PRIM2: variants seen among roughly 807,000 people sequenced by gnomAD.
PRIM2 encodes DNA primase large subunit.
A neutral mutation model predicts 67.3 loss-of-function variants in PRIM2; 39 were observed. That is an observed-to-expected ratio of 0.58 (90% confidence interval 0.45 to 0.76). The LOEUF (loss-of-function observed/expected upper bound fraction) is 0.76, where lower values mean the gene tolerates loss of function less well. PRIM2 is among the 30% of genes least tolerant of loss of function. The pLI is 0.00. For synonymous variants in PRIM2, 143 were observed against 198.7 expected (o/e 0.72, Z 2.36); for missense variants, 398 against 598.7 (o/e 0.66, Z 3.50).
chr6:57,331,958 CT>C (rs947382838), intron 5 of PRIM2, among the ~76,000 whole-genome samples: 4 of 151,332 alleles, frequency 2.6e-5, no homozygotes, highest in African/African-American at 9.7e-5. Flanking sequence ...TTGGTTTGCT[CT>C]TTTCTTCTAG....
At chr6:57,531,878 ATTTAT>A (rs1474716193) in intron 8 of PRIM2, among the ~76,000 whole-genome samples, 1 of 152,158 alleles carries the variant, frequency 6.6e-6, no homozygotes, top group Admixed American at 6.5e-5. Flanking sequence ...TTCAGATATT[ATTTAT>A]TTTAATAAAC....
chr6:57,369,713 C>T (rs1769480259), intron 5 of PRIM2, among the ~76,000 whole-genome samples: 1 of 152,170 alleles, frequency 6.6e-6, no homozygotes, highest in African/African-American at 2.4e-5. Context: ...AAGCATACTA[C>T]ACCTTGATTA....
At chr6:57,416,220 T>G (rs576763011) in intron 7 of PRIM2, among the ~76,000 whole-genome samples, 1,552 of 152,342 alleles carry the variant, frequency 0.01, 29 homozygotes, top group African/African-American at 0.034. Flanking sequence ...TTAGCAGATA[T>G]GAAGACACTA....
intron 7 of PRIM2, among the ~76,000 whole-genome samples, chr6:57,411,083 G>T (rs1195505042): frequency 6.6e-6 from 1 of 151,872 alleles, no homozygotes; most frequent in Admixed American, 6.6e-5. Context: ...TCATGGTAAT[G>T]AGTTCTCCTG....
chr6:57,385,818 A>G (rs1268658417), intron 7 of PRIM2, among the ~76,000 whole-genome samples: 1 of 152,152 alleles, frequency 6.6e-6, no homozygotes, highest in Non-Finnish European at 1.5e-5. Context: ...AACAGAAGTT[A>G]TGCTATGTTC....
At chr6:57,337,246 C>T (rs1768287258) in intron 5 of PRIM2, among the ~76,000 whole-genome samples, 1 of 152,050 alleles carries the variant, frequency 6.6e-6, no homozygotes, top group Non-Finnish European at 1.5e-5. Flanking sequence ...CTTAGACTCC[C>T]ACACATTAAT....
At chr6:57,498,665 C>A (rs1554346569) in intron 7 of PRIM2, among the ~76,000 whole-genome samples, 4 of 152,038 alleles carry the variant, frequency 2.6e-5, no homozygotes, top group African/African-American at 9.7e-5. Context: ...CACCAGAGAA[C>A]AAAATTGAGC....
At chr6:57,537,901 T>C (rs1482296566) in intron 10 of PRIM2, among the ~76,000 whole-genome samples, 1 of 152,228 alleles carries the variant, frequency 6.6e-6, no homozygotes, top group Non-Finnish European at 1.5e-5. Flanking sequence ...GGAATGTATG[T>C]GTGTCTATAC....
In PRIM2 at chr6:57,528,774, T is replaced by C. The variant is rs1280331283; in HGVS notation, c.762-3637T>C. ...GGATGATGGCTCCTCTACAGGATCA[T>C]GCTGTTGTCTCTCTTACAATCCTGT... On this transcript the variant is annotated intron_variant, in intron 8 of 13. Coordinates refer to ENST00000615550, the MANE Select transcript of PRIM2 (RefSeq NM_000947.5). Among the ~76,000 whole-genome samples, 6 of 152,238 alleles carry C rather than the reference T, an allele frequency of 3.9e-5. No individual in the cohort carries two copies. In the East Asian group the frequency reaches 9.6e-4, roughly 24 times the overall value.
intron 7 of PRIM2, among the ~76,000 whole-genome samples, chr6:57,437,802 C>T (rs531853825): frequency 1.1e-3 from 173 of 151,622 alleles, no homozygotes; most frequent in Admixed American, 2.7e-3. Flanking sequence ...GTAGCTAGGA[C>T]GAAAGGCAGG....
chr6:57,402,913 A>G (rs1392204142), intron 7 of PRIM2, among the ~76,000 whole-genome samples: 2 of 152,114 alleles, frequency 1.3e-5, no homozygotes, highest in African/African-American at 4.8e-5. Flanking sequence ...CCAGTTTAGA[A>G]TCATTGTCAG....
At chr6:57,368,351 A>T (rs1769437726) in intron 5 of PRIM2, among the ~76,000 whole-genome samples, 1 of 152,188 alleles carries the variant, frequency 6.6e-6, no homozygotes, top group African/African-American at 2.4e-5. Flanking sequence ...CTGTAATTTT[A>T]AAAAGCTTCA....
At position 57,645,991 on chromosome 6, in the gene PRIM2, C is replaced by T; in HGVS notation, c.1363C>T (p.Leu455=). Residue 455 remains leucine, a synonymous_variant, in exon 14 of 14, where the codon CTA becomes TTA. Transcript: ENST00000615550. ...GTTCTTTTGTGAGAGCCAACGTATTCTAAATGGTGGTAAAGACATAAAGAA... is the reference window on the plus strand; with the variant it reads ...GTTCTTTTGTGAGAGCCAACGTATTTTAAATGGTGGTAAAGACATAAAGAA... ...NQFFCESQRI[L]NGGKDIKKEP... The T allele has an allele frequency of 6.2e-7, 1 of 1,607,564 alleles. No individual in the cohort carries two copies. Among genetic ancestry groups the T allele is most frequent in the Non-Finnish European group, 8.5e-7 (1 of 1,174,164 alleles).
chr6:57,247,241 T>C, the PRIM2 span, among the ~76,000 whole-genome samples: 1 of 152,202 alleles, frequency 6.6e-6, no homozygotes, highest in Admixed American at 6.5e-5. Context: ...CCTTTCAGGC[T>C]AGCCCTCCTT....
chr6:57,565,536 C>T (rs1562792973), intron 10 of PRIM2, among the ~76,000 whole-genome samples: 1 of 151,608 alleles, frequency 6.6e-6, no homozygotes, highest in Non-Finnish European at 1.5e-5. Flanking sequence ...AGTGTCTCAG[C>T]TCATGTGGTC....
intron 5 of PRIM2, among the ~76,000 whole-genome samples, chr6:57,355,038 T>C (rs1024314783): frequency 5.9e-5 from 9 of 152,298 alleles, no homozygotes; most frequent in African/African-American, 2.2e-4. Flanking sequence ...GCGCGGTGGC[T>C]CACACGTGTA....
At chr6:57,523,449 G>A (rs1554349092) in intron 8 of PRIM2, among the ~76,000 whole-genome samples, 2 of 152,326 alleles carry the variant, frequency 1.3e-5, no homozygotes, top group South Asian at 2.1e-4. Flanking sequence ...AAATTATACA[G>A]ATGAAGAGAA....
chr6:57,292,762 G>T, the PRIM2 span, among the ~76,000 whole-genome samples: 2 of 152,188 alleles, frequency 1.3e-5, no homozygotes, highest in African/African-American at 4.8e-5. Context: ...TTAATAAATG[G>T]TGCTGGGAAA....
intron 3 of PRIM2, among the ~76,000 whole-genome samples, chr6:57,323,778 A>G (rs1452444409): frequency 2.0e-5 from 3 of 152,014 alleles, no homozygotes; most frequent in Non-Finnish European, 4.4e-5. Flanking sequence ...AACTTAAAGT[A>G]AAAAGGAAAA....
Sources: gnomAD v4.1 joint callset for allele counts (sites outside exome capture counted in the v4.1 genomes callset) on GRCh38, gnomAD v4.1.1 for gene constraint, MANE v1.5 for transcripts, NCBI Gene and HGNC (gene_info 2026-07-23, HGNC 2026-07-21) for gene names.